The following ANO2 variants were observed in gnomAD, a reference collection of about 807,000 sequenced individuals.
ANO2 encodes the protein anoctamin-2.
Under a neutral mutation model 124.2 loss-of-function variants are expected in ANO2, and 101 were observed. The observed-to-expected ratio is 0.81, with a 90% CI of 0.69 to 0.96. The LOEUF (loss-of-function observed/expected upper bound fraction) is 0.96, where lower values mean the gene tolerates loss of function less well. Among genes scored for constraint, ANO2 ranks in the 40% least tolerant of loss-of-function variants. ANO2 has a pLI of 0.00. For missense variants in ANO2, 1,293 were observed against 1,274.5 expected, an observed-to-expected ratio of 1.01 and a Z score of -0.22; for synonymous variants, 486 against 482.5, an observed-to-expected ratio of 1.01 and a Z score of -0.09.
In ANO2 at chr12:5,862,416, G is replaced by A. The variant is rs896950819; in HGVS notation, c.535-8275C>T. Among the ~76,000 whole-genome samples the A allele has an allele frequency of 1.3e-5, 2 of 152,182 alleles. No homozygotes were observed. The highest frequency in any genetic ancestry group is 1.9e-4 in the East Asian group (1 of 5,186). ...ACATGAAAACTCAGCCACTTTTGTC[G>A]TATTTCTGGGTGCCAACCTGGACAG... On this transcript the variant is annotated intron_variant, in intron 3 of 24. Transcript: ENST00000682330. This position sits in a 1 kb window ranked among gnomAD's most constrained non-coding sequence, Gnocchi z 4.0.
chr12:5,817,948 CAGA>C (rs1376038119), intron 7 of ANO2, among the ~76,000 whole-genome samples: 1 of 152,096 alleles, frequency 6.6e-6, no homozygotes, highest in East Asian at 1.9e-4. Context: ...GAGGCAGAAA[CAGA>C]AGGAGAGCAG....
rs979972232 is a variant in ANO2, at chr12:5,874,484, C to A, written c.535-20343G>T. 2.6e-5 allele frequency among the ~76,000 whole-genome samples: 4 copies of A among 152,206 alleles called. No homozygotes were observed. In the South Asian group the frequency reaches 8.3e-4, roughly 32 times the overall value. On this transcript the variant is annotated intron_variant, in intron 3 of 24. Transcript: ENST00000682330. ...CTTCATATTCAATCACTTTTATCAC[C>A]TCAACAGGGCCTCAAATCCATACAA...
Position 5,575,962 on chromosome 12 carries a change from G to A in ANO2, c.2493C>T (p.Tyr831=). 3 of 1,613,036 alleles carry A rather than the reference G, an allele frequency of 1.9e-6. No individual in the cohort carries two copies. Among genetic ancestry groups the A allele is most frequent in the Non-Finnish European group, 1.7e-6 (2 of 1,179,514 alleles). Residue 831 remains tyrosine (Y), a synonymous_variant, in exon 23 of 25, where the codon TAC becomes TAT. Transcript: ENST00000682330. The part of the protein sequence containing the change: ...SDFIPRLVYQ[Y]SYSHNGTLHG... ...GCAGAGTCCCATTGTGACTGTAGGA[G>A]TACTGGTACACCAGGCGGGGGATAA...
intron 14 of ANO2, among the ~76,000 whole-genome samples, chr12:5,719,738 G>A (rs1441274363): frequency 6.6e-6 from 1 of 152,214 alleles, no homozygotes; most frequent in Non-Finnish European, 1.5e-5. Flanking sequence ...CACTGTAGCA[G>A]CAGAAACCAA....
chr12:5,839,671 A>G, intron 4 of ANO2: 3 of 455,262 alleles, frequency 6.6e-6, no homozygotes, highest in South Asian at 4.7e-5. Context: ...GGATGATAAC[A>G]AACCCTTCCA....
intron 11 of ANO2, among the ~76,000 whole-genome samples, chr12:5,746,518 T>A (rs1411473906): frequency 1.3e-5 from 2 of 152,148 alleles, no homozygotes; most frequent in Non-Finnish European, 2.9e-5. Context: ...AGAATGGAAA[T>A]CAGGTCTAGG....
intron 1 of ANO2, among the ~76,000 whole-genome samples, chr12:5,927,053 C>T (rs1406553900): frequency 2.0e-5 from 3 of 152,156 alleles, no homozygotes; most frequent in Admixed American, 6.5e-5. Context: ...CTCCTTCATC[C>T]GTCTCTTCTC....
intron 3 of ANO2, among the ~76,000 whole-genome samples, chr12:5,866,957 C>T (rs1955442873): frequency 1.3e-5 from 2 of 152,228 alleles, no homozygotes; most frequent in African/African-American, 4.8e-5. Flanking sequence ...CCAACAAATA[C>T]AAGTGATAGC....
At chr12:5,814,027 G>A (rs761815077) in intron 7 of ANO2, among the ~76,000 whole-genome samples, 17 of 152,174 alleles carry the variant, frequency 1.1e-4, no homozygotes, top group Non-Finnish European at 1.6e-4. Context: ...TACTCTCTAC[G>A]GTCCTCTATC....
intron 14 of ANO2, among the ~76,000 whole-genome samples, chr12:5,654,164 T>C (rs1037898638): frequency 6.6e-6 from 1 of 152,068 alleles, no homozygotes; most frequent in African/African-American, 2.4e-5. Context: ...AGAGGACAAA[T>C]AATCCAGTCC....
chr12:5,598,023 T>C (rs1266954066), intron 20 of ANO2, among the ~76,000 whole-genome samples: 2 of 152,220 alleles, frequency 1.3e-5, no homozygotes, highest in South Asian at 4.1e-4. Flanking sequence ...TTCCCTAGAA[T>C]TGTAGACATC....
intron 16 of ANO2, among the ~76,000 whole-genome samples, chr12:5,617,599 C>T (rs11614517): frequency 0.37 from 54,370 of 148,352 alleles, 10,099 homozygotes; most frequent in East Asian, 0.53. Flanking sequence ...CTCAAGATCA[C>T]GATGTACCAC....
At chr12:5,944,634 C>T (rs1943022499) in intron 1 of ANO2, among the ~76,000 whole-genome samples, 1 of 152,178 alleles carries the variant, frequency 6.6e-6, no homozygotes, top group Non-Finnish European at 1.5e-5. Flanking sequence ...GAAGGTATAG[C>T]TGTGTTTCCC....
chr12:5,805,960 A>G, intron 9 of ANO2, 92 bp downstream of exon 9: 2 of 1,277,166 alleles, frequency 1.6e-6, no homozygotes, highest in Non-Finnish European at 2.2e-6. Context: ...ATAAGCAGGT[A>G]AAGAGAACAT....
chr12:5,892,030 C>A (rs1183612783), intron 3 of ANO2, among the ~76,000 whole-genome samples: 4 of 149,982 alleles, frequency 2.7e-5, no homozygotes, highest in African/African-American at 9.8e-5. Context: ...CAAGAAAGAG[C>A]AAACACTCTT....
intron 14 of ANO2, among the ~76,000 whole-genome samples, chr12:5,676,244 A>G (rs1301081034): frequency 6.6e-6 from 1 of 152,238 alleles, no homozygotes; most frequent in Non-Finnish European, 1.5e-5. Flanking sequence ...CCACAGAAAC[A>G]AGATCTCATG....
rs530732999 is a variant in ANO2 at position 5,663,629 on chromosome 12, C to G, written c.1546-15828G>C. Among the ~76,000 whole-genome samples the G allele has an allele frequency of 2.2e-3, 328 of 152,256 alleles. 1 individual carries two copies. Among genetic ancestry groups the G allele is most frequent in the African/African-American group, 7.5e-3 (312 of 41,548 alleles). The stretch of plus-strand genomic sequence containing the variant: ...CCCTGAAATGCTGAAATGCTCAGCC[C>G]ATACCCTGAAATGCTGATGGCAGGA... On this transcript the variant is annotated intron_variant, in intron 14 of 24. Transcript: ENST00000682330.
chr12:5,747,082 T>A (rs1186098176), intron 11 of ANO2, among the ~76,000 whole-genome samples: 1 of 152,234 alleles, frequency 6.6e-6, no homozygotes, highest in African/African-American at 2.4e-5. Context: ...CTGGTTTTGA[T>A]GTTGTGCCGT....
intron 19 of ANO2, among the ~76,000 whole-genome samples, chr12:5,605,654 T>C (rs1007074692): frequency 3.3e-5 from 5 of 152,162 alleles, no homozygotes; most frequent in Non-Finnish European, 7.3e-5. Context: ...GATGGAATTA[T>C]AGCAAAGAGT....
Sources: gnomAD v4.1 joint callset for allele counts (sites outside exome capture counted in the v4.1 genomes callset) on GRCh38, gnomAD v4.1.1 for gene constraint, Gnocchi (gnomAD v3.1) non-coding constraint, MANE v1.5 for transcripts, NCBI Gene and HGNC (gene_info 2026-07-23, HGNC 2026-07-21) for gene names.